Variants in WDR41 observed in about 807,000 individuals in gnomAD.
WDR41 encodes WD repeat domain 41.
Under a neutral mutation model 69.3 loss-of-function variants are expected in WDR41, and 63 were observed. The observed-to-expected ratio is 0.91, with a 90% confidence interval of 0.74 to 1.12. WDR41 has a LOEUF of 1.12. WDR41 is among the 50% of genes most tolerant of loss of function. The pLI is 0.00. For missense variants in WDR41, 543 were observed against 534.5 expected (o/e 1.02, Z -0.16); for synonymous variants, 185 against 192.1 (o/e 0.96, Z 0.31).
At chr5:77,504,564 A>G (rs973461270) in intron 1 of WDR41, among the ~76,000 whole-genome samples, 1 of 152,194 alleles carries the variant, frequency 6.6e-6, no homozygotes, top group Non-Finnish European at 1.5e-5. Flanking sequence ...TGGCAGAGAC[A>G]CAACAAAAAA....
chr5:77,526,347 A>T (rs1275049661), intron 1 of WDR41, among the ~76,000 whole-genome samples: 1 of 152,136 alleles, frequency 6.6e-6, no homozygotes, highest in African/African-American at 2.4e-5. Context: ...ACAGCTACAA[A>T]ATTAACAATG....
At position 77,433,163 on chromosome 5, in the gene WDR41, T is replaced by G; in HGVS notation, c.1352A>C (p.Glu451Ala). The G allele has an allele frequency of 6.2e-7, 1 of 1,612,256 alleles. No individual in the cohort carries two copies. The highest frequency in any genetic ancestry group is 8.5e-7 in the Non-Finnish European group (1 of 1,179,646). ...GACAGCAAGGTATAAGTCACCATTC[T>G]CCTCTAATTTTTGAAATAATCTTAA... ...RSLRLFQKLE[E>A]NGDLYLAV is the part of the protein sequence containing the mutation. Residue 451 changes from glutamate (E) to alanine (A), a missense_variant, in exon 13 of 13, where the codon GAG becomes GCG. Coordinates refer to ENST00000296679, the MANE Select transcript of WDR41 (RefSeq NM_018268.4).
Position 77,433,233 on chromosome 5 carries a change from TGAG to T in WDR41, c.1279_1281del (p.Leu427del). The T allele has an allele frequency of 6.2e-7, 1 of 1,613,976 alleles. No homozygotes were observed. Among genetic ancestry groups the T allele is most frequent in the Non-Finnish European group, 8.5e-7 (1 of 1,179,904 alleles). ...CGCTCTCCATTTTTCCACAAAATAA[TGAG>T]ATGATCAGCGGAGCACGTCACTAGT... On this transcript the variant is annotated inframe_deletion, in exon 13 of 13. Coordinates refer to ENST00000296679, the MANE Select transcript of WDR41 (RefSeq NM_018268.4).
intron 5 of WDR41, among the ~76,000 whole-genome samples, chr5:77,454,322 T>C (rs888802681): frequency 6.6e-6 from 1 of 152,170 alleles, no homozygotes; most frequent in Non-Finnish European, 1.5e-5. Flanking sequence ...TCCACCGCAG[T>C]CAGGCCTTCA....
intron 1 of WDR41, among the ~76,000 whole-genome samples, chr5:77,554,848 G>A (rs1379534552): frequency 1.3e-5 from 2 of 151,978 alleles, no homozygotes; most frequent in Non-Finnish European, 2.9e-5. Context: ...GCCGGGTGGG[G>A]TGGCTCATGC....
chr5:77,571,056 C>G (rs1176627201), intron 1 of WDR41, among the ~76,000 whole-genome samples: 6 of 151,898 alleles, frequency 4.0e-5, no homozygotes, highest in Non-Finnish European at 5.9e-5. Context: ...GACTGATGAA[C>G]AGCACACACA....
chr5:77,460,549 T>A (rs1800010088), intron 4 of WDR41, among the ~76,000 whole-genome samples: 1 of 152,192 alleles, frequency 6.6e-6, no homozygotes, highest in South Asian at 2.1e-4. Context: ...AAGTTAGTTT[T>A]TACAGGTTGG....
intron 12 of WDR41, among the ~76,000 whole-genome samples, chr5:77,435,595 G>A (rs1162557856): frequency 6.6e-6 from 1 of 152,192 alleles, no homozygotes; most frequent in Non-Finnish European, 1.5e-5. Context: ...CTATGAAACA[G>A]GGAAGAACAA....
chr5:77,582,300 A>ATATATATATGTTAT, intron 1 of WDR41: 1 of 1,371,822 alleles, frequency 7.3e-7, no homozygotes, highest in East Asian at 2.3e-5. Flanking sequence ...GAAAGTAGAC[A>ATATATATATGTTAT]ATATGCATAG....
intron 11 of WDR41, 140 bp downstream of exon 11, chr5:77,437,196 A>G: frequency 1.4e-6 from 1 of 704,172 alleles, no homozygotes; most frequent in Non-Finnish European, 2.5e-6. Context: ...CTCAATTACC[A>G]TATGCTTTCT....
At chr5:77,580,582 G>T (rs975398621) in intron 1 of WDR41, among the ~76,000 whole-genome samples, 1 of 151,704 alleles carries the variant, frequency 6.6e-6, no homozygotes, top group Non-Finnish European at 1.5e-5. Flanking sequence ...AATCATGAAA[G>T]AAATGAAAAT....
intron 4 of WDR41, 115 bp downstream of exon 4, chr5:77,462,980 A>C (rs1800137682): frequency 5.9e-6 from 7 of 1,188,226 alleles, no homozygotes; most frequent in South Asian, 1.6e-5. Flanking sequence ...AACAAAAATC[A>C]TTTTTGCTAT....
At chr5:77,510,448 T>C (rs1802180616) in intron 1 of WDR41, among the ~76,000 whole-genome samples, 2 of 152,194 alleles carry the variant, frequency 1.3e-5, no homozygotes, top group East Asian at 1.9e-4. Context: ...AGATTAATCA[T>C]GACTTAACCA....
At chr5:77,516,440 A>G (rs1802292569) in intron 1 of WDR41, among the ~76,000 whole-genome samples, 1 of 152,232 alleles carries the variant, frequency 6.6e-6, no homozygotes, top group Non-Finnish European at 1.5e-5. Context: ...CATTTCCCAT[A>G]GCAATTATAT....
intron 2 of WDR41, among the ~76,000 whole-genome samples, chr5:77,471,692 T>C (rs1443983107): frequency 2.0e-5 from 3 of 152,140 alleles, no homozygotes; most frequent in Non-Finnish European, 4.4e-5. Flanking sequence ...ATGGATAAGT[T>C]CCTTGACACA....
At chr5:77,521,652 T>C (rs1309592662) in intron 1 of WDR41, among the ~76,000 whole-genome samples, 2 of 152,206 alleles carry the variant, frequency 1.3e-5, no homozygotes, top group Non-Finnish European at 2.9e-5. Flanking sequence ...AAGCCTCACC[T>C]GACCTGACCA....
exon 1 of WDR41, chr5:77,620,504 C>A (rs753499727): frequency 8.1e-5 from 31 of 384,232 alleles, no homozygotes; most frequent in Non-Finnish European, 1.0e-5. Context: ...TGGACTTGAA[C>A]AATTAGCTTC....
At chr5:77,582,381 G>A in intron 1 of WDR41, 2 of 1,609,230 alleles carry the variant, frequency 1.2e-6, no homozygotes, top group Non-Finnish European at 1.7e-6. Context: ...GAACCATGGA[G>A]GGTGTAGAAG....
intron 1 of WDR41, among the ~76,000 whole-genome samples, chr5:77,562,321 C>T (rs568556963): frequency 5.6e-4 from 85 of 152,280 alleles, no homozygotes; most frequent in African/African-American, 2.0e-3. Context: ...TCTGAGATTA[C>T]TTGTAGAAGG....
Sources: allele counts gnomAD v4.1 joint callset (sites outside exome capture counted in the v4.1 genomes callset), GRCh38; gene constraint gnomAD v4.1.1; transcripts MANE v1.5; gene names NCBI Gene and HGNC (gene_info 2026-07-23, HGNC 2026-07-21).